The following MAST4 variants were observed in gnomAD, a reference collection of about 807,000 sequenced individuals.
MAST4 encodes the protein microtubule associated serine/threonine kinase family member 4, also known as microtubule-associated serine/threonine-protein kinase 4.
MAST4 carries 89 observed loss-of-function variants against 162.7 expected under a neutral mutation model. The ratio of observed to expected loss-of-function variants is 0.55; its 90% CI spans 0.46 to 0.65. MAST4 has a LOEUF of 0.65. Among genes scored for constraint, MAST4 ranks in the 30% least tolerant of loss-of-function variants. MAST4 has a pLI of 0.00. For synonymous variants in MAST4, 1,479 were observed against 1,361.1 expected, an observed-to-expected ratio of 1.09 and a Z score of -1.91; for missense variants, 3,153 against 3,374.0, an observed-to-expected ratio of 0.93 and a Z score of 1.62.
chr5:67,084,320 C>T (rs929867953), intron 5 of MAST4, among the ~76,000 whole-genome samples: 2 of 152,016 alleles, frequency 1.3e-5, no homozygotes, highest in East Asian at 1.9e-4. Flanking sequence ...TGTTTAAGAG[C>T]TTTGATTTAA....
chr5:66,772,816 T>C lies in MAST4; in HGVS notation c.517+12954T>C, dbSNP rs572867222. 6.6e-5 allele frequency among the ~76,000 whole-genome samples: 10 copies of C among 152,306 alleles called. No individual in the cohort carries two copies. In the South Asian group the frequency reaches 1.7e-3, roughly 25 times the overall value. ...TCATCTGTAAAGTGAGTGCATTGGATCCTATACTCTCAAGGTCCCTTTGAG... is the reference window on the plus strand; with the variant it reads ...TCATCTGTAAAGTGAGTGCATTGGACCCTATACTCTCAAGGTCCCTTTGAG... On this transcript the variant is annotated intron_variant, in intron 2 of 28. Transcript: ENST00000403625.
Position 67,165,718 on chromosome 5 carries a change from C to T in MAST4, c.6539C>T (p.Pro2180Leu), listed in dbSNP as rs1180623978. ...CCCAGCTCGAGCCCCCAGGACCCTCCCAAGCCTGTTGCTGCGCACAGTGAA... is the reference window on the plus strand; with the variant it reads ...CCCAGCTCGAGCCCCCAGGACCCTCTCAAGCCTGTTGCTGCGCACAGTGAA... The part of the protein sequence containing the change: ...AEPSSSPQDP[P>L]KPVAAHSESS... Residue 2180 changes from proline to leucine, a missense_variant, in exon 29 of 29, where the codon CCC becomes CTC. Pro to Leu is a moderately conservative substitution (Grantham distance 98, BLOSUM62 -3). Transcript: ENST00000403625. 1 of 1,576,578 alleles carries T rather than the reference C, an allele frequency of 6.3e-7. No homozygotes were observed. Among genetic ancestry groups the T allele is most frequent in the African/African-American group, 1.4e-5 (1 of 73,788 alleles).
At chr5:66,694,855 T>A (rs781665737) in intron 1 of MAST4, among the ~76,000 whole-genome samples, 1 of 152,210 alleles carries the variant, frequency 6.6e-6, no homozygotes, top group African/African-American at 2.4e-5. Context: ...TCCATGTCCT[T>A]TGCCCATGTT....
chr5:67,156,718 A>T (rs901856140), intron 26 of MAST4, among the ~76,000 whole-genome samples: 2 of 152,262 alleles, frequency 1.3e-5, no homozygotes, highest in African/African-American at 4.8e-5. Context: ...GTGAGGATAC[A>T]GTGTGCAAGA....
Position 67,165,905 on chromosome 5 carries a change from C to T in MAST4, c.6726C>T (p.His2242=), listed in dbSNP as rs1223757266. 6.2e-7 allele frequency: 1 copy of T among 1,613,422 alleles called. No homozygotes were observed. The change falls in exon 29 of 29, where the codon CAC becomes CAT. Residue 2242 remains histidine, a synonymous_variant. Transcript: ENST00000403625. ...LGGSSREGKG[H]SKSGPDVFPA... ...GCTCTAGCAGAGAGGGGAAGGGCCA[C>T]AGTAAGAGTGGGCCGGATGTGTTTC...
chr5:66,960,655 G>A (rs919257409), intron 4 of MAST4, among the ~76,000 whole-genome samples: 5 of 152,180 alleles, frequency 3.3e-5, no homozygotes, highest in African/African-American at 1.2e-4. Flanking sequence ...GTTTTTTGTT[G>A]TGCTGTTTCC....
chr5:66,944,211 T>G (rs995699519), intron 4 of MAST4, among the ~76,000 whole-genome samples: 10 of 152,306 alleles, frequency 6.6e-5, no homozygotes, highest in Middle Eastern at 3.4e-3. Flanking sequence ...AATAATGTGT[T>G]TAATTTTCCA....
At chr5:66,717,372 A>G (rs553404471) in intron 1 of MAST4, among the ~76,000 whole-genome samples, 70 of 152,358 alleles carry the variant, frequency 4.6e-4, no homozygotes, top group African/African-American at 1.7e-3. Context: ...GGCAAAGGTC[A>G]AAGTGGATAT....
At chr5:66,687,524 A>G (rs1419449844) in intron 1 of MAST4, among the ~76,000 whole-genome samples, 1 of 151,868 alleles carries the variant, frequency 6.6e-6, no homozygotes, top group African/African-American at 2.4e-5. Context: ...ATGTGTGTGT[A>G]CATGTGTATA....
At chr5:66,775,139 TG>T (rs1754537737) in intron 2 of MAST4, among the ~76,000 whole-genome samples, 1 of 152,100 alleles carries the variant, frequency 6.6e-6, no homozygotes, top group South Asian at 2.1e-4. Context: ...TGTGTGCATA[TG>T]CCCTGTTACA....
intron 5 of MAST4, among the ~76,000 whole-genome samples, chr5:67,078,917 T>TATATA (rs1762188957): frequency 1.5e-4 from 8 of 55,108 alleles, no homozygotes; most frequent in Admixed American, 4.9e-4. Context: ...TATAAATATA[T>TATATA]ATATATATAT....
intron 13 of MAST4, among the ~76,000 whole-genome samples, chr5:67,120,626 C>A (rs1199492245): frequency 6.6e-6 from 1 of 152,168 alleles, no homozygotes; most frequent in Non-Finnish European, 1.5e-5. Context: ...CATGCTCTGT[C>A]AGGGATAGAG....
At chr5:66,655,487 G>T (rs1746488342) in intron 1 of MAST4, among the ~76,000 whole-genome samples, 1 of 152,174 alleles carries the variant, frequency 6.6e-6, no homozygotes, top group Admixed American at 6.6e-5. Flanking sequence ...TCAGTTCTAG[G>T]AGTGAATTTG....
intron 1 of MAST4, among the ~76,000 whole-genome samples, chr5:66,750,320 A>C (rs1753055459): frequency 6.6e-6 from 1 of 152,240 alleles, no homozygotes; most frequent in Non-Finnish European, 1.5e-5. Context: ...GGAACAGCTC[A>C]GGTCTACAGC....
chr5:66,890,439 T>G (rs1358718776), intron 3 of MAST4, among the ~76,000 whole-genome samples: 1 of 152,206 alleles, frequency 6.6e-6, no homozygotes, highest in Non-Finnish European at 1.5e-5. Context: ...TCAAAACCCA[T>G]AATAATTGAC....
intron 4 of MAST4, among the ~76,000 whole-genome samples, chr5:67,003,266 G>A (rs1042080712): frequency 6.6e-6 from 1 of 152,078 alleles, no homozygotes; most frequent in Non-Finnish European, 1.5e-5. Flanking sequence ...TGCCTTCTTT[G>A]TCTACCTCTG....
chr5:66,783,015 T>C (rs1305136400), intron 2 of MAST4, among the ~76,000 whole-genome samples: 5 of 152,226 alleles, frequency 3.3e-5, no homozygotes, highest in Non-Finnish European at 7.3e-5. Context: ...TTGTCCTCTT[T>C]TCTCTATTAA....
At chr5:66,842,410 T>G (rs1459300296) in intron 3 of MAST4, among the ~76,000 whole-genome samples, 1 of 152,174 alleles carries the variant, frequency 6.6e-6, no homozygotes, top group Non-Finnish European at 1.5e-5. Flanking sequence ...TGTGTTGGCT[T>G]TCCACCTCCT....
intron 1 of MAST4, among the ~76,000 whole-genome samples, chr5:66,644,216 A>G (rs1000495763): frequency 2.6e-5 from 4 of 152,090 alleles, no homozygotes; most frequent in African/African-American, 9.7e-5. Flanking sequence ...CAAATCTTAA[A>G]TTCTTGGAAT....
Sources: allele counts gnomAD v4.1 joint callset (sites outside exome capture counted in the v4.1 genomes callset), GRCh38; gene constraint gnomAD v4.1.1; transcripts MANE v1.5; gene names NCBI Gene and HGNC (gene_info 2026-07-23, HGNC 2026-07-21).